ARL1: variants seen among roughly 807,000 people sequenced by gnomAD.
ARL1 encodes the protein ADP-ribosylation factor-like protein 1.
In ARL1, 17 loss-of-function variants were observed where a neutral mutation model predicts 30.1. The ratio of observed to expected loss-of-function variants is 0.56; its 90% CI spans 0.39 to 0.85. The LOEUF (loss-of-function observed/expected upper bound fraction) is 0.85. Ranked by LOEUF, ARL1 falls within the 40% of genes least tolerant of loss-of-function variation. The pLI, the probability that ARL1 is intolerant of heterozygous loss-of-function variation, is 0.00. For missense variants in ARL1, 102 were observed against 212.6 expected (o/e 0.48, Z 3.24); for synonymous variants, 58 against 71.7 (o/e 0.81, Z 0.97).
rs1371477264 is a variant in ARL1, at chr12:101,407,391, A to C, written c.4+251T>G. 8 of 446,528 alleles carry C rather than the reference A, an allele frequency of 1.8e-5. No individual in the cohort carries two copies. In the East Asian group the frequency reaches 2.5e-4, roughly 14 times the overall value. 27.7% of individuals were successfully genotyped at this position (446,528 alleles called of 1,614,324 possible). A position where few individuals can be genotyped will look rare whatever the true frequency, so the allele number is the denominator to read the frequency against. ...AAGAACTCGAACCCAGGCTCTGCGG[A>C]CGTCCCCAAGCTGTCCGGGTCCCTG... On this transcript the variant is annotated intron_variant, in intron 1 of 5. Coordinates refer to ENST00000261636, the MANE Select transcript of ARL1 (RefSeq NM_001177.6).
At chr12:101,399,509 TAAAA>T (rs200979843) in intron 4 of ARL1, among the ~76,000 whole-genome samples, 6 of 110,564 alleles carry the variant, frequency 5.4e-5, no homozygotes, top group East Asian at 3.0e-4. Context: ...AGACTCTGTC[TAAAA>T]AAAAAAAAAA....
At chr12:101,404,327 T>C (rs1218562682) in intron 2 of ARL1, among the ~76,000 whole-genome samples, 1 of 152,124 alleles carries the variant, frequency 6.6e-6, no homozygotes, top group Admixed American at 6.6e-5. Flanking sequence ...AGGTAGACGC[T>C]GCAGTGAGCT....
Position 101,402,947 on chromosome 12 carries a change from C to T in ARL1, c.143-1G>A, listed in dbSNP as rs2121120982. The T allele has an allele frequency of 6.2e-7, 1 of 1,610,640 alleles. No homozygotes were observed. The highest frequency in any genetic ancestry group is 1.3e-5 in the African/African-American group (1 of 74,946). ...ACCGTCTCTACATTAAATCCAATGG[C>T]TGGAAGAGAAATCAAATCAGTGGTA... On this transcript the variant is annotated splice_acceptor_variant, in intron 2 of 5. Coordinates refer to ENST00000261636, the MANE Select transcript of ARL1 (RefSeq NM_001177.6). LOFTEE classifies it high-confidence loss of function.
chr12:101,406,693 A>C (rs1384961051), intron 1 of ARL1, among the ~76,000 whole-genome samples: 1 of 152,214 alleles, frequency 6.6e-6, no homozygotes, highest in African/African-American at 2.4e-5. Flanking sequence ...TTTGGCAAAG[A>C]CATGGCATAA....
Position 101,394,086 on chromosome 12 carries a change from A to T in ARL1, c.*1554T>A, listed in dbSNP as rs1410799281. 2 of 152,076 alleles carry T rather than the reference A, an allele frequency of 1.3e-5. No homozygotes were observed. Among genetic ancestry groups the T allele is most frequent in the East Asian group, 3.8e-4 (2 of 5,196 alleles). 9.4% of individuals were successfully genotyped at this position (152,076 alleles called of 1,614,324 possible). On this transcript the variant is annotated 3_prime_UTR_variant, in exon 6 of 6. Coordinates refer to ENST00000261636, the MANE Select transcript of ARL1 (RefSeq NM_001177.6). ...AAAATCTCCAAAAAAGATTTCAAAGAGACTAAAGTAGGAATGGGTGCTGGA... is the reference window on the plus strand; with the variant it reads ...AAAATCTCCAAAAAAGATTTCAAAGTGACTAAAGTAGGAATGGGTGCTGGA...
Position 101,407,749 on chromosome 12 carries a change from CG to C in ARL1, c.-105del. The C allele has an allele frequency of 1.3e-6, 2 of 1,540,226 alleles. No individual in the cohort carries two copies. Among genetic ancestry groups the C allele is most frequent in the Non-Finnish European group, 1.8e-6 (2 of 1,121,128 alleles). On this transcript the variant is annotated 5_prime_UTR_variant, in exon 1 of 6. Coordinates refer to ENST00000261636, the MANE Select transcript of ARL1 (RefSeq NM_001177.6). The stretch of plus-strand genomic sequence containing the variant: ...AAGCCCAGTCAGCCAGCAACTTCCA[CG>C]TCGGACTCCAGGCGGGGGCGGGAGC...
intron 3 of ARL1, among the ~76,000 whole-genome samples, chr12:101,402,467 G>A (rs995595312): frequency 3.3e-5 from 5 of 152,166 alleles, no homozygotes; most frequent in African/African-American, 7.2e-5. Context: ...GATTACAGGC[G>A]TGAGCTACCA....
At chr12:101,407,456 G>A (rs1480449399) in intron 1 of ARL1, 186 bp downstream of exon 1, 4 of 713,022 alleles carry the variant, frequency 5.6e-6, no homozygotes, top group Non-Finnish European at 6.8e-6. Flanking sequence ...GAGGACGGAG[G>A]AGAACGCGAG....
chr12:101,395,375 A>T lies in ARL1; in HGVS notation c.*265T>A, dbSNP rs1871120881. The T allele has an allele frequency of 5.4e-6, 2 of 367,154 alleles. No homozygotes were observed. The highest frequency in any genetic ancestry group is 8.4e-5 in the East Asian group (2 of 23,798). The allele number at this position is 367,154 out of a possible 1,614,324, so 22.7% of individuals were successfully genotyped here. A position where few individuals can be genotyped will look rare whatever the true frequency, so the allele number is the denominator to read the frequency against. The stretch of plus-strand genomic sequence containing the variant: ...TCTTTAATAGAACTGTATTTGAATA[A>T]GAATTCCATACAAATAGAATATATA... On this transcript the variant is annotated 3_prime_UTR_variant, in exon 6 of 6. Transcript: ENST00000261636.
chr12:101,398,790 T>G (rs1423150432), intron 4 of ARL1, among the ~76,000 whole-genome samples: 2 of 152,156 alleles, frequency 1.3e-5, no homozygotes, highest in African/African-American at 4.8e-5. Context: ...GGCCCATACT[T>G]AACATAACAT....
At position 101,395,633 on chromosome 12, in the gene ARL1, G is replaced by T; in HGVS notation, c.*7C>A. ...GTCTTCATTTCAGGGGAGAAGAATGGACTGAATTACTGTCTGCTTTTTAAT... is the reference window on the plus strand; with the variant it reads ...GTCTTCATTTCAGGGGAGAAGAATGTACTGAATTACTGTCTGCTTTTTAAT... On this transcript the variant is annotated 3_prime_UTR_variant, in exon 6 of 6. Coordinates refer to ENST00000261636, the MANE Select transcript of ARL1 (RefSeq NM_001177.6). 6.3e-7 allele frequency: 1 copy of T among 1,578,766 alleles called. No homozygotes were observed. Among genetic ancestry groups the T allele is most frequent in the South Asian group, 1.2e-5 (1 of 86,348 alleles).
At chr12:101,407,547 T>C (rs1481524552) in intron 1 of ARL1, 95 bp downstream of exon 1, 27 of 1,551,594 alleles carry the variant, frequency 1.7e-5, no homozygotes, top group Non-Finnish European at 2.4e-5. Context: ...CTGGCTACTC[T>C]AGGGTATCCT....
chr12:101,395,687 A>T lies in ARL1; in HGVS notation c.516-17T>A. The T allele has an allele frequency of 6.5e-7, 1 of 1,526,868 alleles. No homozygotes were observed. Among genetic ancestry groups the T allele is most frequent in the Non-Finnish European group, 8.9e-7 (1 of 1,121,416 alleles). 94.6% of individuals were successfully genotyped at this position (1,526,868 alleles called of 1,614,324 possible). ...TCAACTAACCTGTAAAGAGAAAATG[A>T]ACTGTTTTATAAAATTAATTTTCAG... is the stretch of plus-strand genomic sequence containing the variant. On this transcript the variant is annotated splice_polypyrimidine_tract_variant and intron_variant, in intron 5 of 5. Coordinates refer to ENST00000261636, the MANE Select transcript of ARL1 (RefSeq NM_001177.6).
chr12:101,395,803 G>A, intron 5 of ARL1, 133 bp from the exon 6 acceptor site: 3 of 619,804 alleles, frequency 4.8e-6, no homozygotes, highest in Non-Finnish European at 8.5e-6. Flanking sequence ...ATGAGGTTAT[G>A]CACTAGATAT....
chr12:101,402,538 T>C (rs1415679365), intron 3 of ARL1, among the ~76,000 whole-genome samples: 1 of 152,188 alleles, frequency 6.6e-6, no homozygotes, highest in East Asian at 1.9e-4. Context: ...CAAGGTACTT[T>C]AATGAATTCC....
rs780765917 is a variant in ARL1, at chr12:101,393,191, C to T, written c.*2449G>A. 1 of 152,082 alleles carries T rather than the reference C, an allele frequency of 6.6e-6. No homozygotes were observed. The highest frequency in any genetic ancestry group is 2.1e-4 in the South Asian group (1 of 4,832). The allele number at this position is 152,082 out of a possible 1,614,324, so 9.4% of individuals were successfully genotyped here. On this transcript the variant is annotated 3_prime_UTR_variant, in exon 6 of 6. Coordinates refer to ENST00000261636, the MANE Select transcript of ARL1 (RefSeq NM_001177.6). ...TGCCTACTGTGTGCCAGGTGCACCACACTAGATGCAACGGATACTAACAGT... is the reference window on the plus strand; with the variant it reads ...TGCCTACTGTGTGCCAGGTGCACCATACTAGATGCAACGGATACTAACAGT...
rs1181644730 is a variant in ARL1, at chr12:101,395,461, G to C, written c.*179C>G. The C allele has an allele frequency of 7.0e-5, 39 of 554,070 alleles. No individual in the cohort carries two copies. Among genetic ancestry groups the C allele is most frequent in the Non-Finnish European group, 1.3e-5 (4 of 311,182 alleles). 34.3% of individuals were successfully genotyped at this position (554,070 alleles called of 1,614,324 possible). ...ATTACATAGAACATTCAGGTGATTC[G>C]ATCAAATTATCCCTCCAACTAAATA... On this transcript the variant is annotated 3_prime_UTR_variant, in exon 6 of 6. Coordinates refer to ENST00000261636, the MANE Select transcript of ARL1 (RefSeq NM_001177.6).
At chr12:101,407,524 G>A (rs901942092) in intron 1 of ARL1, 118 bp downstream of exon 1, 14 of 1,372,774 alleles carry the variant, frequency 1.0e-5, no homozygotes, top group South Asian at 7.5e-5. Context: ...TCCGCGACCC[G>A]CCCCCTGAGG....
chr12:101,406,005 C>T (rs2121128511), intron 1 of ARL1, 24 bp from the exon 2 acceptor site: 1 of 1,535,142 alleles, frequency 6.5e-7, no homozygotes, highest in Non-Finnish European at 8.8e-7. Context: ...AAAGAAAAAA[C>T]ATACACAATG....
Sources: gnomAD v4.1 joint callset for allele counts (sites outside exome capture counted in the v4.1 genomes callset) on GRCh38, gnomAD v4.1.1 for gene constraint, MANE v1.5 for transcripts, NCBI Gene and HGNC (gene_info 2026-07-23, HGNC 2026-07-21) for gene names.